The following ACTA2 variants were observed in gnomAD, a reference collection of about 807,000 sequenced individuals.
The protein encoded by ACTA2 is actin alpha 2, smooth muscle.
ACTA2 carries 12 observed loss-of-function variants against 39.5 expected under a neutral mutation model. The ratio of observed to expected loss-of-function variants is 0.30; its 90% CI spans 0.19 to 0.49. The LOEUF is 0.49. Among genes scored for constraint, ACTA2 ranks in the 20% least tolerant of loss-of-function variants. The pLI, the probability that ACTA2 is intolerant of heterozygous loss-of-function variation, is 0.99. For missense variants in ACTA2, 236 were observed against 498.8 expected (o/e 0.47, Z 5.02); for synonymous variants, 158 against 180.6 (o/e 0.88, Z 1.00).
At chr10:88,960,938 C>T (rs1439288513) in intron 1 of ACTA2, among the ~76,000 whole-genome samples, 1 of 152,138 alleles carries the variant, frequency 6.6e-6, no homozygotes, top group East Asian at 1.9e-4. Context: ...AGAGACTCAA[C>T]CTCTTGGTTT....
In ACTA2 at chr10:88,990,990, G is replaced by A; in HGVS notation, c.-75C>T. 6.3e-7 allele frequency: 1 copy of A among 1,596,086 alleles called. No individual in the cohort carries two copies. The highest frequency in any genetic ancestry group is 1.3e-5 in the African/African-American group (1 of 74,632). ...AGTGGGGCGGGCGCGGGACGCGTGC[G>A]GGATTGCGGCGGCAGCGGCGCACGC... On this transcript the variant is annotated 5_prime_UTR_variant, in exon 1 of 5. Transcript: ENST00000415557. This position sits in a 1 kb window ranked among gnomAD's most constrained non-coding sequence, Gnocchi z 4.9.
chr10:88,988,009 G>T (rs1361686320), intron 1 of ACTA2, among the ~76,000 whole-genome samples: 1 of 152,086 alleles, frequency 6.6e-6, no homozygotes, highest in East Asian at 1.9e-4. Context: ...GACGGCCTTT[G>T]GACTTGAACT....
At chr10:88,987,669 G>T (rs1173464690) in intron 1 of ACTA2, among the ~76,000 whole-genome samples, 2 of 152,240 alleles carry the variant, frequency 1.3e-5, no homozygotes, top group East Asian at 3.8e-4. Flanking sequence ...GTGATGTGCT[G>T]ATTGGCTTAA....
In ACTA2 at chr10:88,945,504, C is replaced by T. The variant is rs1186288193; in HGVS notation, c.259-1597G>A. 2.0e-5 allele frequency among the ~76,000 whole-genome samples: 3 copies of T among 152,080 alleles called. No homozygotes were observed. The East Asian group carries it at 5.8e-4, about 29-fold the overall frequency. Reference sequence around the variant, plus strand: ...TTGCTGCATTTAAAATTTTTTATGTCACTTTCTCATTATTTCTTCTGTTTT... The same window carrying T: ...TTGCTGCATTTAAAATTTTTTATGTTACTTTCTCATTATTTCTTCTGTTTT... On this transcript the variant is annotated intron_variant, in intron 3 of 8. Transcript: ENST00000224784.
intron 1 of ACTA2, among the ~76,000 whole-genome samples, chr10:88,971,014 T>G (rs1331857236): frequency 6.6e-6 from 1 of 152,118 alleles, no homozygotes; most frequent in Non-Finnish European, 1.5e-5. Context: ...AATAAAATAA[T>G]ACTAAGATGT....
At chr10:88,989,661 C>A (rs981734990) in intron 1 of ACTA2, 2 of 476,840 alleles carry the variant, frequency 4.2e-6, no homozygotes, top group African/African-American at 2.0e-5. Context: ...AGGGCCCAAA[C>A]AGGCTCCAGA....
chr10:88,943,723 T>C, intron 4 of ACTA2, 74 bp downstream of exon 4: 1 of 1,274,626 alleles, frequency 7.8e-7, no homozygotes, highest in South Asian at 1.2e-5. Context: ...TTCTCTCTGC[T>C]GTGCTGCATA....
chr10:88,956,070 G>T (rs1846133502), upstream of ACTA2, among the ~76,000 whole-genome samples: 1 of 152,204 alleles, frequency 6.6e-6, no homozygotes, highest in Admixed American at 6.5e-5. Flanking sequence ...TAATGAGGAA[G>T]TTAGTTCTAG....
chr10:88,941,001 G>A (rs1845836962), intron 6 of ACTA2: 2 of 544,416 alleles, frequency 3.7e-6, no homozygotes, highest in Admixed American at 4.9e-5. Flanking sequence ...ATACAACACT[G>A]ACTAATGCAT....
At chr10:88,935,448 T>A in intron 8 of ACTA2, 82 bp from the exon 9 acceptor site, 1 of 1,488,832 alleles carries the variant, frequency 6.7e-7, no homozygotes, top group Non-Finnish European at 9.3e-7. Context: ...GCCTGGATGT[T>A]CTACCATGGC....
chr10:88,985,488 G>C (rs955095936), intron 1 of ACTA2, among the ~76,000 whole-genome samples: 1 of 152,092 alleles, frequency 6.6e-6, no homozygotes, highest in African/African-American at 2.4e-5. Flanking sequence ...AGTGCTCTGG[G>C]GCTCCTCCCC....
intron 1 of ACTA2, among the ~76,000 whole-genome samples, chr10:88,970,828 C>A (rs999947877): frequency 1.3e-5 from 2 of 151,930 alleles, no homozygotes; most frequent in African/African-American, 4.8e-5. Context: ...TGTAACAAAC[C>A]TGCACGTTGT....
At chr10:88,973,267 C>G (rs538619991) in intron 1 of ACTA2, 1 of 1,612,514 alleles carries the variant, frequency 6.2e-7, no homozygotes. Flanking sequence ...AATGGATTCC[C>G]ACTCTTGGGG....
intron 1 of ACTA2, among the ~76,000 whole-genome samples, chr10:88,972,130 A>G (rs1449068993): frequency 6.6e-6 from 1 of 151,892 alleles, no homozygotes; most frequent in Admixed American, 6.6e-5. Flanking sequence ...GATGGTCTCA[A>G]TCTCTTGACC....
chr10:88,990,069 T>G lies in ACTA2; in HGVS notation c.-24+870A>C, dbSNP rs945055741. On this transcript the variant is annotated intron_variant, in intron 1 of 4. Transcript: ENST00000415557. This position sits in a 1 kb window ranked among gnomAD's most constrained non-coding sequence, Gnocchi z 4.9. ...AGGAAGTAATTGTGAATGTTTAATA[T>G]AGCTGGGGCTATGCGATTTGGCTTA... 2.0e-5 allele frequency among the ~76,000 whole-genome samples: 3 copies of G among 152,352 alleles called. No individual in the cohort carries two copies. The highest frequency in any genetic ancestry group is 4.4e-5 in the Non-Finnish European group (3 of 68,034).
intron 1 of ACTA2, among the ~76,000 whole-genome samples, chr10:88,968,324 G>C (rs1846358186): frequency 6.6e-6 from 1 of 152,130 alleles, no homozygotes; most frequent in Admixed American, 6.6e-5. Context: ...ATGTAATACA[G>C]GTGATTCCTT....
At chr10:88,952,983 G>A (rs1351992896), upstream of ACTA2, among the ~76,000 whole-genome samples, 2 of 152,248 alleles carry the variant, frequency 1.3e-5, no homozygotes, top group South Asian at 2.1e-4. Flanking sequence ...AACGGGAGGC[G>A]GTTCAGCCGC....
chr10:88,960,255 T>C (rs1846204767), intron 1 of ACTA2, among the ~76,000 whole-genome samples: 2 of 152,080 alleles, frequency 1.3e-5, no homozygotes, highest in African/African-American at 4.8e-5. Flanking sequence ...ATAACAAAAT[T>C]TGGGAATCAC....
chr10:88,949,503 T>A (rs1846012114), intron 1 of ACTA2, among the ~76,000 whole-genome samples: 1 of 152,210 alleles, frequency 6.6e-6, no homozygotes, highest in Admixed American at 6.5e-5. Flanking sequence ...TCTTTTTGAA[T>A]CATGAGGACT....
Sources: allele counts gnomAD v4.1 joint callset (sites outside exome capture counted in the v4.1 genomes callset), GRCh38; gene constraint gnomAD v4.1.1; non-coding constraint Gnocchi (gnomAD v3.1); transcripts MANE v1.5; gene names NCBI Gene and HGNC (gene_info 2026-07-23, HGNC 2026-07-21).